TTLL11: variants seen among roughly 807,000 people sequenced by gnomAD.
TTLL11 encodes the protein tubulin polyglutamylase TTLL11.
A neutral mutation model predicts 51.7 loss-of-function variants in TTLL11; 42 were observed. That is an observed-to-expected ratio of 0.81 (90% CI 0.64 to 1.05). The LOEUF (loss-of-function observed/expected upper bound fraction) is 1.05. Among genes scored for constraint, TTLL11 ranks in the 50% least tolerant of loss-of-function variants. TTLL11 has a pLI of 0.00. For synonymous variants in TTLL11, 381 were observed against 383.5 expected, an observed-to-expected ratio of 0.99 and a Z score of 0.08; for missense variants, 799 against 940.4, an observed-to-expected ratio of 0.85 and a Z score of 1.97.
chr9:121,870,457 C>G, intron 7 of TTLL11, 40 bp downstream of exon 7: 1 of 1,533,814 alleles, frequency 6.5e-7, no homozygotes, highest in Non-Finnish European at 8.8e-7. Flanking sequence ...GGACTCCACC[C>G]AGCCCAAAGC....
At chr9:122,024,055 T>C (rs950924312) in intron 3 of TTLL11, among the ~76,000 whole-genome samples, 1 of 152,172 alleles carries the variant, frequency 6.6e-6, no homozygotes, top group East Asian at 1.9e-4. Flanking sequence ...GAAAATCCAG[T>C]GGAAGTACAA....
At chr9:121,846,937 C>G (rs4601401) in intron 8 of TTLL11, among the ~76,000 whole-genome samples, 101,050 of 152,050 alleles carry the variant, frequency 0.66, 33,883 homozygotes, top group East Asian at 0.77. Context: ...AAGGCCGGGC[C>G]CGGTGGCTCA....
At chr9:121,981,471 T>C (rs1245187517) in intron 4 of TTLL11, among the ~76,000 whole-genome samples, 1 of 152,256 alleles carries the variant, frequency 6.6e-6, no homozygotes, top group Non-Finnish European at 1.5e-5. Flanking sequence ...GTGTATATAG[T>C]TATAATAGCT....
chr9:121,918,519 T>C (rs1308255362), intron 6 of TTLL11, among the ~76,000 whole-genome samples: 1 of 152,112 alleles, frequency 6.6e-6, no homozygotes, highest in Non-Finnish European at 1.5e-5. Flanking sequence ...AAGGACAAGG[T>C]AGGGGCTGTC....
At chr9:121,982,875 G>A (rs935366947) in intron 4 of TTLL11, among the ~76,000 whole-genome samples, 2 of 152,204 alleles carry the variant, frequency 1.3e-5, no homozygotes, top group Non-Finnish European at 2.9e-5. Context: ...ACAAGGGGCA[G>A]ATGGCGCTGC....
intron 6 of TTLL11, among the ~76,000 whole-genome samples, chr9:121,919,132 G>C (rs1332130718): frequency 6.6e-6 from 1 of 152,214 alleles, no homozygotes; most frequent in Non-Finnish European, 1.5e-5. Flanking sequence ...ATGTCCACCT[G>C]ACATATTTTA....
At chr9:121,927,555 G>A (rs7039693) in intron 6 of TTLL11, among the ~76,000 whole-genome samples, 11,741 of 152,074 alleles carry the variant, frequency 0.077, 663 homozygotes, top group African/African-American at 0.16. Context: ...GGCCCCCAGG[G>A]AGGTGAAAAG....
chr9:121,924,051 A>G (rs1165224283), intron 6 of TTLL11, among the ~76,000 whole-genome samples: 1 of 152,124 alleles, frequency 6.6e-6, no homozygotes, highest in East Asian at 1.9e-4. Flanking sequence ...TTCCACCATG[A>G]TTGTGAGGCT....
chr9:121,937,359 A>G (rs10985455), intron 6 of TTLL11, among the ~76,000 whole-genome samples: 44,914 of 152,114 alleles, frequency 0.3, 7,086 homozygotes, highest in African/African-American at 0.41. Context: ...TAACTGGGGC[A>G]TACAAAAATG....
chr9:122,044,738 A>C (rs1844953377), intron 1 of TTLL11, among the ~76,000 whole-genome samples: 1 of 152,254 alleles, frequency 6.6e-6, no homozygotes, highest in South Asian at 2.1e-4. Context: ...ATATGAAAAG[A>C]TATTTAACAT....
At chr9:121,902,151 A>G (rs994360639) in intron 6 of TTLL11, among the ~76,000 whole-genome samples, 11 of 151,992 alleles carry the variant, frequency 7.2e-5, no homozygotes, top group African/African-American at 2.7e-4. Flanking sequence ...GAAAATAAAA[A>G]CCATTTCTCA....
rs1267490984 is a variant in TTLL11 at position 121,861,948 on chromosome 9, T to C, written c.1734-1505A>G. On this transcript the variant is annotated intron_variant, in intron 7 of 8. Coordinates refer to ENST00000321582, the MANE Select transcript of TTLL11 (RefSeq NM_001139442.2). ...AGCACAGGCTGGGTCCTTGCTGCTC[T>C]GTGTGGGCTGACACAGAATTGCTGG... Among the ~76,000 whole-genome samples the C allele has an allele frequency of 2.0e-5, 3 of 152,226 alleles. No homozygotes were observed. The East Asian group carries it at 5.8e-4, about 29-fold the overall frequency.
chr9:122,020,817 G>T (rs1844153485), intron 3 of TTLL11, among the ~76,000 whole-genome samples: 1 of 152,214 alleles, frequency 6.6e-6, no homozygotes, highest in South Asian at 2.1e-4. Flanking sequence ...CTATAAACCA[G>T]GAAGAGGGCC....
chr9:121,854,725 A>C (rs1837761995), intron 8 of TTLL11, among the ~76,000 whole-genome samples: 1 of 152,190 alleles, frequency 6.6e-6, no homozygotes, highest in African/African-American at 2.4e-5. Context: ...CTGAGGGCAA[A>C]GTCTCCATGA....
intron 1 of TTLL11, among the ~76,000 whole-genome samples, chr9:122,058,162 G>A (rs950199711): frequency 2.0e-5 from 3 of 152,224 alleles, no homozygotes; most frequent in Admixed American, 6.5e-5. Flanking sequence ...GGGACCATGA[G>A]GAGCATGATC....
intron 4 of TTLL11, among the ~76,000 whole-genome samples, chr9:121,978,449 CTTTATTTATTTA>C (rs143223546): frequency 2.2e-3 from 325 of 148,344 alleles, no homozygotes; most frequent in South Asian, 0.011. Context: ...AAGGAAAAAG[CTTTATTTATTTA>C]TTTATTTATT....
At chr9:121,846,672 A>G (rs1251925659) in intron 8 of TTLL11, among the ~76,000 whole-genome samples, 1 of 152,224 alleles carries the variant, frequency 6.6e-6, no homozygotes, top group East Asian at 1.9e-4. Flanking sequence ...TAAGTAGCAC[A>G]TGTCTAAACA....
intron 3 of TTLL11, among the ~76,000 whole-genome samples, chr9:121,990,668 C>T (rs982308218): frequency 6.6e-6 from 1 of 152,190 alleles, no homozygotes; most frequent in Non-Finnish European, 1.5e-5. Flanking sequence ...ACACCAAACA[C>T]AGAGCTGAGC....
chr9:122,004,353 AT>A (rs112839875), intron 3 of TTLL11, among the ~76,000 whole-genome samples: 8,386 of 143,152 alleles, frequency 0.059, 316 homozygotes, highest in African/African-American at 0.12. Flanking sequence ...GCTTTACAGC[AT>A]TTTTTTTTTT....
Sources: allele counts gnomAD v4.1 joint callset (sites outside exome capture counted in the v4.1 genomes callset), GRCh38; gene constraint gnomAD v4.1.1; transcripts MANE v1.5; gene names NCBI Gene and HGNC (gene_info 2026-07-23, HGNC 2026-07-21).